LRRFIP1: variants seen among roughly 807,000 people sequenced by gnomAD.
The protein encoded by LRRFIP1 is leucine-rich repeat flightless-interacting protein 1.
Under a neutral mutation model 104.4 loss-of-function variants are expected in LRRFIP1, and 62 were observed. That is an observed-to-expected ratio of 0.59 (90% CI 0.48 to 0.73). LRRFIP1 has a LOEUF of 0.73. LRRFIP1 is among the 30% of genes least tolerant of loss of function. The probability of loss-of-function intolerance (pLI) is 0.00; values close to 1 mark genes in which losing one functional copy is unlikely to be tolerated. For missense variants in LRRFIP1, 796 were observed against 824.5 expected (o/e 0.97, Z 0.42); for synonymous variants, 300 against 299.0 (o/e 1.00, Z -0.03).
intron 1 of LRRFIP1, among the ~76,000 whole-genome samples, chr2:237,700,579 T>A (rs781774375): frequency 3.9e-5 from 6 of 152,240 alleles, no homozygotes; most frequent in Admixed American, 6.5e-5. Flanking sequence ...TCCTCCTGTT[T>A]GCAGAGTGCT....
At chr2:237,629,267 A>G (rs2082005239) in intron 1 of LRRFIP1, among the ~76,000 whole-genome samples, 1 of 152,232 alleles carries the variant, frequency 6.6e-6, no homozygotes, top group South Asian at 2.1e-4. Flanking sequence ...TAAATATAGT[A>G]GCTTGAGTAT....
intron 1 of LRRFIP1, chr2:237,692,026 C>A: frequency 3.8e-6 from 1 of 265,264 alleles, no homozygotes; most frequent in Non-Finnish European, 5.5e-6. Flanking sequence ...GAGGGACCCT[C>A]CGAGGCGGAG....
intron 1 of LRRFIP1, 26 bp from the exon 2 acceptor site, chr2:237,708,518 C>CT: frequency 6.5e-7 from 1 of 1,539,120 alleles, no homozygotes; most frequent in South Asian, 1.3e-5. Context: ...GCTCTGTCCT[C>CT]TAATAAGATG....
Position 237,728,421 on chromosome 2 carries a change from G to C in LRRFIP1, c.444+486G>C, listed in dbSNP as rs142989947. Among the ~76,000 whole-genome samples the C allele has an allele frequency of 8.2e-4, 125 of 152,114 alleles. 2 individuals carry two copies. The highest frequency in any genetic ancestry group is 3.4e-3 in the Middle Eastern group (1 of 294). On this transcript the variant is annotated intron_variant, in intron 8 of 23. Transcript: ENST00000308482. ...ATAAAACAATGCAGATGCTTGGAAG[G>C]CTCCCAGTTAAGGGGTGGGAGGCAG... is the stretch of plus-strand genomic sequence containing the variant.
At chr2:237,750,079 G>A (rs56147814) in intron 13 of LRRFIP1, among the ~76,000 whole-genome samples, 4,249 of 152,208 alleles carry the variant, frequency 0.028, 104 homozygotes, top group Non-Finnish European at 0.046. Context: ...CTTTAAACTA[G>A]GTTTAAAAGG....
chr2:237,756,363 T>C (rs2059265350), intron 16 of LRRFIP1, among the ~76,000 whole-genome samples, 176 bp downstream of exon 16: 1 of 152,236 alleles, frequency 6.6e-6, no homozygotes, highest in Non-Finnish European at 1.5e-5. Context: ...AAGGTTGGGT[T>C]CAGGTGAGGC....
chr2:237,682,073 G>A (rs2091906090), intron 1 of LRRFIP1, among the ~76,000 whole-genome samples: 1 of 152,178 alleles, frequency 6.6e-6, no homozygotes. Context: ...GAAGCTCCCT[G>A]AGTGTGCCAA....
intron 19 of LRRFIP1, chr2:237,768,553 C>T (rs1203062179): frequency 6.6e-6 from 1 of 151,808 alleles, no homozygotes; most frequent in Non-Finnish European, 1.5e-5. Flanking sequence ...TTCATAACTG[C>T]AAAAATGTTT....
chr2:237,761,354 G>A (rs143577970), intron 19 of LRRFIP1, among the ~76,000 whole-genome samples: 4 of 152,342 alleles, frequency 2.6e-5, no homozygotes, highest in African/African-American at 4.8e-5. Context: ...GCAAGATTCC[G>A]TCTCTAGATA....
chr2:237,692,325 G>T, intron 1 of LRRFIP1: 1 of 1,231,352 alleles, frequency 8.1e-7, no homozygotes, highest in Non-Finnish European at 1.0e-6. Flanking sequence ...CCGGAAGCGC[G>T]AGCGTTCACT....
chr2:237,709,310 G>A (rs2093962607), intron 2 of LRRFIP1, among the ~76,000 whole-genome samples: 1 of 152,172 alleles, frequency 6.6e-6, no homozygotes, highest in Admixed American at 6.5e-5. Flanking sequence ...CAGAGACATA[G>A]AAGCTGAGAC....
intron 19 of LRRFIP1, among the ~76,000 whole-genome samples, chr2:237,767,791 G>C (rs188616381): frequency 6.6e-6 from 1 of 152,110 alleles, no homozygotes; most frequent in Non-Finnish European, 1.5e-5. Context: ...CCTGTACAGC[G>C]TACCACCCGT....
intron 1 of LRRFIP1, among the ~76,000 whole-genome samples, chr2:237,650,063 C>T (rs2085667004): frequency 6.6e-6 from 1 of 152,018 alleles, no homozygotes; most frequent in African/African-American, 2.4e-5. Context: ...TGAAGATAAA[C>T]TGCTGAGCAG....
intron 1 of LRRFIP1, among the ~76,000 whole-genome samples, chr2:237,677,420 G>A (rs1421637448): frequency 1.3e-5 from 2 of 152,128 alleles, no homozygotes; most frequent in African/African-American, 4.8e-5. Flanking sequence ...ACTACATTGT[G>A]TTTCTCCATT....
At chr2:237,659,571 T>C (rs1275895798) in intron 1 of LRRFIP1, among the ~76,000 whole-genome samples, 1 of 148,240 alleles carries the variant, frequency 6.7e-6, no homozygotes, top group African/African-American at 2.4e-5. Flanking sequence ...CTATATATAA[T>C]TTTATATATA....
At chr2:237,694,851 G>A (rs553144141) in intron 1 of LRRFIP1, among the ~76,000 whole-genome samples, 1 of 152,354 alleles carries the variant, frequency 6.6e-6, no homozygotes, top group South Asian at 2.1e-4. Flanking sequence ...GCGATGGCTT[G>A]TGTCACCCCG....
chr2:237,668,843 A>C (rs1010877297), intron 1 of LRRFIP1, among the ~76,000 whole-genome samples: 2 of 152,232 alleles, frequency 1.3e-5, no homozygotes, highest in African/African-American at 4.8e-5. Context: ...AAAAATAATA[A>C]GGAAAATTCA....
At chr2:237,727,342 C>T (rs150718862) in intron 7 of LRRFIP1, among the ~76,000 whole-genome samples, 5 of 141,794 alleles carry the variant, frequency 3.5e-5, no homozygotes, top group Non-Finnish European at 6.0e-5. Flanking sequence ...GGCGACAGAG[C>T]GAGACTCTGT....
At chr2:237,684,922 G>GA (rs11386479) in intron 1 of LRRFIP1, among the ~76,000 whole-genome samples, 105,224 of 144,208 alleles carry the variant, frequency 0.73, 38,316 homozygotes, top group Middle Eastern at 0.84. Flanking sequence ...CCCTGTCTCT[G>GA]AAAAAAAAAA....
Sources: gnomAD v4.1 joint callset for allele counts (sites outside exome capture counted in the v4.1 genomes callset) on GRCh38, gnomAD v4.1.1 for gene constraint, MANE v1.5 for transcripts, NCBI Gene and HGNC (gene_info 2026-07-23, HGNC 2026-07-21) for gene names.